CCDC85A: variants seen among roughly 807,000 people sequenced by gnomAD.
CCDC85A encodes the protein coiled-coil domain containing 85A.
A neutral mutation model predicts 50.2 loss-of-function variants in CCDC85A; 38 were observed. The ratio of observed to expected loss-of-function variants is 0.76; its 90% CI spans 0.58 to 0.99. The LOEUF is 0.99. Among genes scored for constraint, CCDC85A ranks in the 50% least tolerant of loss-of-function variants. The pLI is 0.00. For synonymous variants in CCDC85A, 366 were observed against 301.4 expected (o/e 1.21, Z -2.22); for missense variants, 820 against 742.0 (o/e 1.11, Z -1.22).
At chr2:56,225,089 ATT>A (rs35003367) in intron 2 of CCDC85A, among the ~76,000 whole-genome samples, 54 of 149,752 alleles carry the variant, frequency 3.6e-4, no homozygotes, top group East Asian at 1.4e-3. Flanking sequence ...ATTTTTGTTC[ATT>A]TTTTTTTTTC....
At chr2:56,377,143 A>G (rs974545469) in intron 5 of CCDC85A, among the ~76,000 whole-genome samples, 5 of 152,220 alleles carry the variant, frequency 3.3e-5, no homozygotes, top group African/African-American at 1.2e-4. Flanking sequence ...GGCCACTGAC[A>G]GTGCACTTGG....
intron 2 of CCDC85A, among the ~76,000 whole-genome samples, chr2:56,294,199 A>G (rs1487873483): frequency 6.6e-6 from 1 of 152,196 alleles, no homozygotes; most frequent in African/African-American, 2.4e-5. Flanking sequence ...AGAAAATCAA[A>G]CACCGAATGT....
chr2:56,196,057 C>T (rs1676507792), intron 2 of CCDC85A, among the ~76,000 whole-genome samples: 1 of 152,150 alleles, frequency 6.6e-6, no homozygotes, highest in African/African-American at 2.4e-5. Context: ...ATTACAAACT[C>T]AGTGGATGAA....
At chr2:56,210,422 T>C (rs72917084) in intron 2 of CCDC85A, among the ~76,000 whole-genome samples, 1,768 of 152,186 alleles carry the variant, frequency 0.012, 37 homozygotes, top group African/African-American at 0.04. Context: ...TGGTTTTCTA[T>C]TGCCATGTGA....
chr2:56,303,383 C>G (rs1046371281), intron 2 of CCDC85A, among the ~76,000 whole-genome samples: 2 of 152,142 alleles, frequency 1.3e-5, no homozygotes, highest in Non-Finnish European at 2.9e-5. Flanking sequence ...TTATTTTTCT[C>G]TCTCTTGTAT....
intron 2 of CCDC85A, among the ~76,000 whole-genome samples, chr2:56,321,113 A>G (rs934328712): frequency 6.6e-6 from 1 of 152,154 alleles, no homozygotes; most frequent in Non-Finnish European, 1.5e-5. Context: ...AAACCTCTCA[A>G]TAAATTAGGT....
intron 2 of CCDC85A, among the ~76,000 whole-genome samples, chr2:56,261,507 G>A (rs1294350771): frequency 6.6e-6 from 1 of 152,124 alleles, no homozygotes; most frequent in Non-Finnish European, 1.5e-5. Flanking sequence ...TATCACTTTG[G>A]TTGTATTCCC....
intron 2 of CCDC85A, among the ~76,000 whole-genome samples, chr2:56,283,150 G>T (rs1671280904): frequency 6.6e-6 from 1 of 152,000 alleles, no homozygotes; most frequent in Non-Finnish European, 1.5e-5. Context: ...TATTTTTATT[G>T]TGTTGATGTA....
At chr2:56,363,396 T>G (rs1345395471) in intron 3 of CCDC85A, among the ~76,000 whole-genome samples, 1 of 152,238 alleles carries the variant, frequency 6.6e-6, no homozygotes, top group East Asian at 1.9e-4. Flanking sequence ...CCATGATAGA[T>G]CTTTCAGCAG....
chr2:56,249,255 G>A (rs1669643608), intron 2 of CCDC85A, among the ~76,000 whole-genome samples: 1 of 152,252 alleles, frequency 6.6e-6, no homozygotes, highest in African/African-American at 2.4e-5. Flanking sequence ...TCTGCCTTAG[G>A]CAGAGGGATG....
At chr2:56,186,600 G>A (rs993453955) in intron 1 of CCDC85A, among the ~76,000 whole-genome samples, 5 of 152,170 alleles carry the variant, frequency 3.3e-5, no homozygotes, top group Non-Finnish European at 7.3e-5. Context: ...TTCTTCCATG[G>A]TCTGAACAAT....
chr2:56,325,843 GC>G (rs1405995720), intron 2 of CCDC85A, among the ~76,000 whole-genome samples: 62 of 152,190 alleles, frequency 4.1e-4, no homozygotes, highest in East Asian at 1.7e-3. Flanking sequence ...GCTTTGGATG[GC>G]TTGGTTGTTG....
intron 2 of CCDC85A, among the ~76,000 whole-genome samples, chr2:56,244,362 G>A (rs1369530663): frequency 6.6e-6 from 1 of 151,982 alleles, no homozygotes; most frequent in Non-Finnish European, 1.5e-5. Context: ...AGGCCCGTGG[G>A]AAGTACTGCC....
intron 3 of CCDC85A, among the ~76,000 whole-genome samples, chr2:56,344,297 A>C (rs908596121): frequency 2.0e-5 from 3 of 152,208 alleles, no homozygotes; most frequent in Non-Finnish European, 4.4e-5. Context: ...GCAAGCACTG[A>C]GATGCTGTGA....
chr2:56,355,936 A>G (rs1675202962), intron 3 of CCDC85A, among the ~76,000 whole-genome samples: 1 of 152,226 alleles, frequency 6.6e-6, no homozygotes, highest in African/African-American at 2.4e-5. Context: ...CTGGACTTAC[A>G]TAAAAGCTGG....
chr2:56,211,092 T>C (rs1677163283), intron 2 of CCDC85A, among the ~76,000 whole-genome samples: 2 of 152,082 alleles, frequency 1.3e-5, no homozygotes, highest in Admixed American at 1.3e-4. Context: ...GAGTTAGAGA[T>C]CACTGTTCTT....
At chr2:56,187,811 G>A (rs1224080940) in intron 1 of CCDC85A, among the ~76,000 whole-genome samples, 1 of 152,180 alleles carries the variant, frequency 6.6e-6, no homozygotes, top group Non-Finnish European at 1.5e-5. Context: ...CTGGATTCCT[G>A]AGAACCATGT....
chr2:56,191,342 A>G (rs547201143), intron 1 of CCDC85A, among the ~76,000 whole-genome samples: 3 of 152,296 alleles, frequency 2.0e-5, no homozygotes, highest in Non-Finnish European at 4.4e-5. Flanking sequence ...GTCCACTGAT[A>G]TATCCCTACC....
chr2:56,278,439 C>A (rs1322846914), intron 2 of CCDC85A, among the ~76,000 whole-genome samples: 1 of 152,166 alleles, frequency 6.6e-6, no homozygotes, highest in South Asian at 2.1e-4. Context: ...AGACGCATAG[C>A]AAAGTCCAAT....
Sources: gnomAD v4.1 joint callset for allele counts (sites outside exome capture counted in the v4.1 genomes callset) on GRCh38, gnomAD v4.1.1 for gene constraint, MANE v1.5 for transcripts, NCBI Gene and HGNC (gene_info 2026-07-23, HGNC 2026-07-21) for gene names.